Variants in NHSL2 observed in about 807,000 individuals in gnomAD.
NHSL2 encodes the protein NHS-like protein 2.
In NHSL2, 27 loss-of-function variants were observed where a neutral mutation model predicts 53.4. The observed-to-expected ratio is 0.51, with a 90% CI of 0.37 to 0.70. The LOEUF is 0.70. NHSL2 is among the 30% of genes least tolerant of loss of function. NHSL2 has a pLI of 0.00. For synonymous variants in NHSL2, 408 were observed against 404.1 expected (o/e 1.01, Z -0.12); for missense variants, 892 against 980.1 (o/e 0.91, Z 1.20).
intron 1 of NHSL2, among the ~76,000 whole-genome samples, chrX:72,026,148 G>C (rs773882025): frequency 8.9e-6 from 1 of 111,845 alleles, no homozygotes. Context: ...TCCCCTGCCC[G>C]ATTCCCTGAT....
chrX:71,990,631 T>C (rs758490009), intron 1 of NHSL2, among the ~76,000 whole-genome samples: 1 of 111,412 alleles, frequency 9.0e-6, no homozygotes, highest in South Asian at 3.8e-4. Context: ...TCCAACCTCA[T>C]CACCTCAGGC....
intron 1 of NHSL2, among the ~76,000 whole-genome samples, chrX:72,026,139 C>T (rs2042184423): frequency 8.9e-6 from 1 of 111,978 alleles, no homozygotes; most frequent in Admixed American, 9.4e-5. Flanking sequence ...ATCAGGGTCT[C>T]CCCTGCCCGA....
chrX:72,143,473 C>T lies in NHSL2; in HGVS notation c.3577C>T (p.Pro1193Ser). The T allele has an allele frequency of 8.6e-7, 1 of 1,165,502 alleles. No homozygotes were observed. Among genetic ancestry groups the T allele is most frequent in the Non-Finnish European group, 1.1e-6 (1 of 870,904 alleles). Residue 1193 changes from proline (P) to serine (S), a missense_variant, in exon 8 of 8, where the codon CCC becomes TCC. Coordinates refer to ENST00000633930, the MANE Select transcript of NHSL2 (RefSeq NM_001013627.3). ...KGSKATPRSR[P>S]SAAELLKTTN... ...AAGTAAGGCAACTCCAAGGTCTCGTCCCTCAGCAGCTGAACTTCTGAAGAC... is the reference window on the plus strand; with the variant it reads ...AAGTAAGGCAACTCCAAGGTCTCGTTCCTCAGCAGCTGAACTTCTGAAGAC...
intron 1 of NHSL2, among the ~76,000 whole-genome samples, chrX:71,925,596 A>T (rs958757934): frequency 2.7e-5 from 3 of 110,987 alleles, no homozygotes; most frequent in Non-Finnish European, 3.8e-5. Context: ...TCACAGCTAG[A>T]TCACCCTCAT....
chrX:72,090,301 G>A (rs2041885121), intron 1 of NHSL2, among the ~76,000 whole-genome samples: 1 of 111,364 alleles, frequency 9.0e-6, no homozygotes, highest in Non-Finnish European at 1.9e-5. Flanking sequence ...CTGAGCTCAA[G>A]CGATCCTCCT....
At chrX:72,143,181 C>A in intron 7 of NHSL2, 72 bp from the exon 8 acceptor site, 2 of 744,178 alleles carry the variant, frequency 2.7e-6, no homozygotes, top group Non-Finnish European at 3.9e-6. Context: ...GTGTCACAGG[C>A]ATGGGGGTCT....
At chrX:71,958,861 A>G (rs1214035895) in intron 1 of NHSL2, among the ~76,000 whole-genome samples, 1 of 111,928 alleles carries the variant, frequency 8.9e-6, no homozygotes, top group Non-Finnish European at 1.9e-5. Flanking sequence ...TTCACTTTAC[A>G]GATGAGGAAA....
In NHSL2 at chrX:71,959,071, C is replaced by A. The variant is rs147785003; in HGVS notation, c.280+47704C>A. On this transcript the variant is annotated intron_variant, in intron 1 of 7. Coordinates refer to ENST00000633930, the MANE Select transcript of NHSL2 (RefSeq NM_001013627.3). ...GTTAGGCAGCTACCAGTTAGGCAACCTATTCTCCTTGTGCCACCATGAAGA... is the reference window on the plus strand; with the variant it reads ...GTTAGGCAGCTACCAGTTAGGCAACATATTCTCCTTGTGCCACCATGAAGA... 4.9e-3 allele frequency among the ~76,000 whole-genome samples: 549 copies of A among 112,178 alleles called. 2 individuals are homozygous for A. The highest frequency in any genetic ancestry group is 0.017 in the African/African-American group (535 of 30,888).
chrX:72,102,309 G>T (rs1448483549), intron 1 of NHSL2, among the ~76,000 whole-genome samples: 1 of 112,137 alleles, frequency 8.9e-6, no homozygotes, highest in Non-Finnish European at 1.9e-5. Flanking sequence ...CCTGAGGGTA[G>T]TCTAGGAGTC....
intron 1 of NHSL2, among the ~76,000 whole-genome samples, chrX:72,071,039 C>G (rs1228311190): frequency 9.0e-6 from 1 of 111,480 alleles, no homozygotes; most frequent in Admixed American, 9.5e-5. Flanking sequence ...AGGGGCAGCC[C>G]TACAATGGGA....
intron 1 of NHSL2, among the ~76,000 whole-genome samples, chrX:72,028,574 C>G (rs1462387953): frequency 8.9e-6 from 1 of 112,038 alleles, no homozygotes; most frequent in Non-Finnish European, 1.9e-5. Flanking sequence ...TTTCCCTCAC[C>G]CCTCAGCTGA....
At position 71,919,812 on chromosome X, in the gene NHSL2, G is replaced by A. The variant is rs140254515; in HGVS notation, c.280+8445G>A. Among the ~76,000 whole-genome samples the A allele has an allele frequency of 4.5e-3, 505 of 112,010 alleles. 2 individuals are homozygous for A. Among genetic ancestry groups the A allele is most frequent in the Middle Eastern group, 0.027 (6 of 219 alleles). Reference sequence around the variant, plus strand: ...GCTGACCACAGAACCTGCCAGGCTGGGATGCCAAGGAGGGACTTTAATGAA... The same window carrying A: ...GCTGACCACAGAACCTGCCAGGCTGAGATGCCAAGGAGGGACTTTAATGAA... On this transcript the variant is annotated intron_variant, in intron 1 of 7. Transcript: ENST00000633930.
intron 1 of NHSL2, among the ~76,000 whole-genome samples, chrX:72,109,390 A>T (rs1037305068): frequency 1.8e-5 from 2 of 112,146 alleles, no homozygotes; most frequent in African/African-American, 6.5e-5. Flanking sequence ...CAGAGCTGGA[A>T]CTGGAACTTG....
At chrX:71,963,983 A>ATATATGTG (rs1569467045) in intron 1 of NHSL2, among the ~76,000 whole-genome samples, 47 of 65,386 alleles carry the variant, frequency 7.2e-4, no homozygotes, top group African/African-American at 3.2e-3. Flanking sequence ...ACATATATAT[A>ATATATGTG]TATATATATG....
chrX:71,913,146 G>A (rs1302840282), intron 1 of NHSL2, among the ~76,000 whole-genome samples: 2 of 111,648 alleles, frequency 1.8e-5, no homozygotes, highest in Non-Finnish European at 3.8e-5. Context: ...CATGTCCCAC[G>A]GCTCAGAGGC....
At chrX:71,941,576 C>T (rs1409885923) in intron 1 of NHSL2, among the ~76,000 whole-genome samples, 1 of 112,075 alleles carries the variant, frequency 8.9e-6, no homozygotes, top group Non-Finnish European at 1.9e-5. Flanking sequence ...GTACCTGCCT[C>T]ATTAAGGTAT....
intron 1 of NHSL2, chrX:72,130,869 G>A (rs774347563): frequency 8.3e-7 from 1 of 1,211,862 alleles, no homozygotes; most frequent in Non-Finnish European, 1.1e-6. Flanking sequence ...ATTCCTTACG[G>A]ATTTCATCCA....
At chrX:72,025,291 G>T (rs977460162) in intron 1 of NHSL2, among the ~76,000 whole-genome samples, 15 of 112,298 alleles carry the variant, frequency 1.3e-4, no homozygotes, top group African/African-American at 4.5e-4. Context: ...CCTAGAAAGG[G>T]TCCCTAAGCC....
intron 1 of NHSL2, among the ~76,000 whole-genome samples, chrX:72,020,380 T>TGGG (rs1367123054): frequency 8.9e-6 from 1 of 112,848 alleles, no homozygotes; most frequent in African/African-American, 3.2e-5. Flanking sequence ...AGATGTTGGC[T>TGGG]GGGACCCCAA....
Sources: gnomAD v4.1 joint callset for allele counts (sites outside exome capture counted in the v4.1 genomes callset) on GRCh38, gnomAD v4.1.1 for gene constraint, MANE v1.5 for transcripts, NCBI Gene and HGNC (gene_info 2026-07-23, HGNC 2026-07-21) for gene names.